Variants in SPIRE2 observed in about 807,000 individuals in gnomAD.
SPIRE2 encodes the protein protein spire homolog 2.
Under a neutral mutation model 80.7 loss-of-function variants are expected in SPIRE2, and 76 were observed. That is an observed-to-expected ratio of 0.94 (90% CI 0.78 to 1.14). SPIRE2 has a LOEUF of 1.14. Among genes scored for constraint, SPIRE2 ranks in the 50% most tolerant of loss-of-function variants. The pLI is 0.00. For missense variants in SPIRE2, 1,196 were observed against 1,015.3 expected (o/e 1.18, Z -2.42); for synonymous variants, 535 against 432.6 (o/e 1.24, Z -2.94).
In SPIRE2 at chr16:89,828,754, C is replaced by T. The variant is rs1361855452; in HGVS notation, c.204C>T (p.Arg68=). The T allele has an allele frequency of 8.3e-7, 1 of 1,205,678 alleles. No homozygotes were observed. The highest frequency in any genetic ancestry group is 1.0e-6 in the Non-Finnish European group (1 of 970,996). 74.7% of individuals were successfully genotyped at this position (1,205,678 alleles called of 1,614,324 possible). Residue 68 remains arginine, a synonymous_variant, in exon 1 of 15, where the codon CGC becomes CGT. Transcript: ENST00000378247. The surrounding 1 kb of genome is among the most constrained non-coding windows in gnomAD (Gnocchi z 5.9). ...GGGATACCGGGGACCTCCTGCTGCGCGGGGACGGCTCGGTCGGGGCGCGGG... is the reference window on the plus strand; with the variant it reads ...GGGATACCGGGGACCTCCTGCTGCGTGGGGACGGCTCGGTCGGGGCGCGGG... ...RLRDTGDLLL[R]GDGSVGAREP...
chr16:89,854,731 T>C, intron 5 of SPIRE2, 80 bp downstream of exon 5: 1 of 1,524,582 alleles, frequency 6.6e-7, no homozygotes, highest in Non-Finnish European at 8.9e-7. Flanking sequence ...GCAGCCTGGA[T>C]GTTGGGCAGC....
intron 1 of SPIRE2, among the ~76,000 whole-genome samples, chr16:89,843,871 A>C (rs1480802027): frequency 7.2e-6 from 1 of 139,214 alleles, no homozygotes; most frequent in Non-Finnish European, 1.5e-5. Flanking sequence ...AGCTATTTTT[A>C]TGTATTTTTT....
chr16:89,850,516 CT>C lies in SPIRE2; in HGVS notation c.504del (p.Phe168LeufsTer12). On this transcript the variant is annotated frameshift_variant, in exon 3 of 15. Transcript: ENST00000378247. LOFTEE classifies it high-confidence loss of function. ...AGGGCGTCCCCCGCAGCGTGCGCACCTTTGCCCAGGCCATGCGGCTGTGCGC... is the reference window on the plus strand; with the variant it reads ...AGGGCGTCCCCCGCAGCGTGCGCACCTTGCCCAGGCCATGCGGCTGTGCGC... ...AEGVPRSVRT[F>X]AQAMRLCAAR... 1 of 1,524,912 alleles carries C rather than the reference CT, an allele frequency of 6.6e-7. No individual in the cohort carries two copies. The highest frequency in any genetic ancestry group is 8.8e-7 in the Non-Finnish European group (1 of 1,140,394). The allele number at this position is 1,524,912 out of a possible 1,614,324, so 94.5% of individuals were successfully genotyped here. A position where few individuals can be genotyped will look rare whatever the true frequency, so the allele number is the denominator to read the frequency against.
At position 89,854,646 on chromosome 16, in the gene SPIRE2, G is replaced by A; in HGVS notation, c.886G>A (p.Val296Ile). The change falls in exon 5 of 15, where the codon GTC (valine) becomes ATC (isoleucine). Residue 296 changes from valine to isoleucine, a missense_variant. Coordinates refer to ENST00000378247, the MANE Select transcript of SPIRE2 (RefSeq NM_032451.2). ...GGCCCGGAACTACAAGCTGCGCAAGGTCATGGTGAGCGGGGCAGACGCAGA... is the reference window on the plus strand; with the variant it reads ...GGCCCGGAACTACAAGCTGCGCAAGATCATGGTGAGCGGGGCAGACGCAGA... The part of the protein sequence containing the change: ...IRARNYKLRK[V>I]MVDGDIPPRV... 6.2e-7 allele frequency: 1 copy of A among 1,612,134 alleles called. No individual in the cohort carries two copies. Among genetic ancestry groups the A allele is most frequent in the South Asian group, 1.1e-5 (1 of 91,056 alleles).
At chr16:89,844,484 G>T (rs1356075274) in intron 1 of SPIRE2, among the ~76,000 whole-genome samples, 1 of 151,656 alleles carries the variant, frequency 6.6e-6, no homozygotes, top group East Asian at 1.9e-4. Flanking sequence ...TGTTGCCCAG[G>T]CTGGAGTGCA....
In SPIRE2 at chr16:89,870,304, C is replaced by A. The variant is rs1366881068; in HGVS notation, c.*32C>A. ...CAGGTGGCCAGGCCTCCAGGAGGCA[C>A]CAGGCAGGCCCTGTATCAGGCTAGG... On this transcript the variant is annotated 3_prime_UTR_variant, in exon 15 of 15. Coordinates refer to ENST00000378247, the MANE Select transcript of SPIRE2 (RefSeq NM_032451.2). 6.9e-7 allele frequency: 1 copy of A among 1,443,076 alleles called. No homozygotes were observed. Among genetic ancestry groups the A allele is most frequent in the South Asian group, 1.2e-5 (1 of 83,046 alleles). The allele number at this position is 1,443,076 out of a possible 1,614,324, so 89.4% of individuals were successfully genotyped here.
At chr16:89,836,423 A>G (rs1313087379) in intron 1 of SPIRE2, 1 of 350,674 alleles carries the variant, frequency 2.9e-6, no homozygotes, top group Admixed American at 3.7e-5. Flanking sequence ...ATCCTCCTCC[A>G]CTGTCTCCAG....
intron 1 of SPIRE2, among the ~76,000 whole-genome samples, chr16:89,840,514 G>A (rs2041495533): frequency 6.6e-6 from 1 of 151,322 alleles, no homozygotes. Flanking sequence ...CTCCCAAAGT[G>A]CTGGATTACA....
Position 89,864,027 on chromosome 16 carries a change from A to T in SPIRE2, c.1778+166A>T, listed in dbSNP as rs561180014. Among the ~76,000 whole-genome samples the T allele has an allele frequency of 7.9e-5, 12 of 152,340 alleles. No individual in the cohort carries two copies. In the South Asian group the frequency reaches 8.3e-4, roughly 11 times the overall value. On this transcript the variant is annotated intron_variant, in intron 12 of 14. Coordinates refer to ENST00000378247, the MANE Select transcript of SPIRE2 (RefSeq NM_032451.2). ...GTACGAATGAGGAGTTAAATTTTAA[A>T]TTGTATTTAAATTAAATTAAATTTA...
intron 1 of SPIRE2, among the ~76,000 whole-genome samples, chr16:89,835,091 C>T (rs1002809998): frequency 2.0e-5 from 3 of 149,458 alleles, no homozygotes; most frequent in African/African-American, 2.5e-5. Context: ...CGCAGTTGGC[C>T]GTCGTAGAAG....
intron 3 of SPIRE2, among the ~76,000 whole-genome samples, chr16:89,852,825 C>T (rs1484488836): frequency 2.2e-4 from 10 of 44,836 alleles, no homozygotes; most frequent in African/African-American, 1.0e-3. Context: ...GATCCCATGG[C>T]CCGTCTTCCG....
chr16:89,854,240 GC>G, intron 3 of SPIRE2, 45 bp from the exon 4 acceptor site: 1 of 1,572,988 alleles, frequency 6.4e-7, no homozygotes. Flanking sequence ...TCTTGCATCT[GC>G]CATTCTCGTA....
chr16:89,841,828 G>T (rs1025516229), intron 1 of SPIRE2, among the ~76,000 whole-genome samples: 1 of 151,988 alleles, frequency 6.6e-6, no homozygotes, highest in Non-Finnish European at 1.5e-5. Context: ...CTCCCAAGTA[G>T]CTGGGATTAC....
chr16:89,850,485 A>AGGC lies in SPIRE2; in HGVS notation c.471_473dup (p.Ala158dup), dbSNP rs1439023784. ...TACGGGGGTCCCGAGGAGGAGGAGG[A>AGGC]GGCCGAGGGCGTCCCCCGCAGCGTG... is the stretch of plus-strand genomic sequence containing the variant. On this transcript the variant is annotated inframe_insertion, in exon 3 of 15. Transcript: ENST00000378247. The AGGC allele has an allele frequency of 2.0e-6, 3 of 1,537,240 alleles. No homozygotes were observed. Among genetic ancestry groups the AGGC allele is most frequent in the Non-Finnish European group, 2.6e-6 (3 of 1,143,828 alleles).
At chr16:89,856,423 A>T (rs1000462537) in intron 7 of SPIRE2, among the ~76,000 whole-genome samples, 187 bp downstream of exon 7, 5 of 152,022 alleles carry the variant, frequency 3.3e-5, no homozygotes, top group African/African-American at 1.2e-4. Flanking sequence ...GGGATAAAAA[A>T]TTTAAATTAA....
chr16:89,850,171 G>C (rs1479774136), intron 2 of SPIRE2, 133 bp from the exon 3 acceptor site: 1 of 777,136 alleles, frequency 1.3e-6, no homozygotes, highest in Admixed American at 2.0e-5. Context: ...TGTCTTGCTT[G>C]TGCCTTGGTC....
In SPIRE2 at chr16:89,871,211, CT is replaced by C. The variant is rs942616065; in HGVS notation, c.*940del. On this transcript the variant is annotated 3_prime_UTR_variant, in exon 15 of 15. Transcript: ENST00000378247. ...ATTCTGGTGCTGTCCTCACTCGCCC[CT>C]GGCCCAGAGGCTCCTGAAGATGCTG... 7.9e-5 allele frequency: 12 copies of C among 152,490 alleles called. No homozygotes were observed. The highest frequency in any genetic ancestry group is 2.4e-4 in the African/African-American group (10 of 41,466). 9.4% of individuals were successfully genotyped at this position (152,490 alleles called of 1,614,324 possible).
At chr16:89,838,525 C>T (rs1250185027) in intron 1 of SPIRE2, among the ~76,000 whole-genome samples, 4 of 152,046 alleles carry the variant, frequency 2.6e-5, no homozygotes, top group South Asian at 2.1e-4. Context: ...GTTTCATCAG[C>T]GGGAACCAGG....
chr16:89,845,369 C>T lies in SPIRE2; in HGVS notation c.288+4C>T. ...ACTAGCCAGCTCGGAAGCCCAGGTA[C>T]TTTTTAAAAAATTCCAAGTATTACT... On this transcript the variant is annotated splice_donor_region_variant and intron_variant, in intron 2 of 14. Transcript: ENST00000378247. 1 of 1,613,436 alleles carries T rather than the reference C, an allele frequency of 6.2e-7. No homozygotes were observed. Among genetic ancestry groups the T allele is most frequent in the Non-Finnish European group, 8.5e-7 (1 of 1,179,328 alleles).
Sources: allele counts gnomAD v4.1 joint callset (sites outside exome capture counted in the v4.1 genomes callset), GRCh38; gene constraint gnomAD v4.1.1; non-coding constraint Gnocchi (gnomAD v3.1); transcripts MANE v1.5; gene names NCBI Gene and HGNC (gene_info 2026-07-23, HGNC 2026-07-21).